Variants in MARK1 observed in about 807,000 individuals in gnomAD.
MARK1 encodes the protein microtubule affinity regulating kinase 1, also known as serine/threonine-protein kinase MARK1.
In MARK1, 40 loss-of-function variants were observed where a neutral mutation model predicts 96.3. That is an observed-to-expected ratio of 0.42 (90% CI 0.32 to 0.54). MARK1 has a LOEUF of 0.54. MARK1 is among the 20% of genes least tolerant of loss of function. The pLI is 0.16. For missense variants in MARK1, 719 were observed against 984.6 expected (o/e 0.73, Z 3.61); for synonymous variants, 317 against 341.2 (o/e 0.93, Z 0.78).
At chr1:220,617,888 C>G (rs1165368422) in intron 7 of MARK1, among the ~76,000 whole-genome samples, 1 of 152,146 alleles carries the variant, frequency 6.6e-6, no homozygotes, top group East Asian at 1.9e-4. Context: ...CTTTAACCAA[C>G]AATACCCTAT....
chr1:220,591,960 T>C (rs1217823441), intron 3 of MARK1, among the ~76,000 whole-genome samples: 1 of 152,062 alleles, frequency 6.6e-6, no homozygotes, highest in African/African-American at 2.4e-5. Context: ...CACACCTAGC[T>C]GGACAGCAGT....
chr1:220,546,564 T>C (rs1242713337), intron 1 of MARK1, among the ~76,000 whole-genome samples: 2 of 152,244 alleles, frequency 1.3e-5, no homozygotes, highest in African/African-American at 2.4e-5. Flanking sequence ...AAAGATTATT[T>C]AGCTACTGCT....
intron 15 of MARK1, 22 bp downstream of exon 15, chr1:220,652,172 A>G (rs1045180407): frequency 5.7e-6 from 9 of 1,567,618 alleles, no homozygotes; most frequent in Non-Finnish European, 7.9e-6. Context: ...GTTACATCTC[A>G]TTTTGTTCAT....
At chr1:220,535,391 A>G (rs750197459) in intron 1 of MARK1, among the ~76,000 whole-genome samples, 7 of 152,084 alleles carry the variant, frequency 4.6e-5, no homozygotes, top group African/African-American at 7.2e-5. Flanking sequence ...AGAAATGTCT[A>G]TTCAACTCCT....
At chr1:220,574,591 G>A (rs1368418286) in intron 1 of MARK1, among the ~76,000 whole-genome samples, 1 of 152,122 alleles carries the variant, frequency 6.6e-6, no homozygotes, top group Non-Finnish European at 1.5e-5. Context: ...ATTCTATGTT[G>A]TGAAATTTTT....
intron 1 of MARK1, among the ~76,000 whole-genome samples, chr1:220,544,722 A>T (rs920845672): frequency 6.6e-6 from 1 of 152,234 alleles, no homozygotes; most frequent in Non-Finnish European, 1.5e-5. Context: ...AGGTTAGTCC[A>T]GGTGGTAAAC....
chr1:220,549,562 T>C (rs1369524856), intron 1 of MARK1, among the ~76,000 whole-genome samples: 1 of 152,232 alleles, frequency 6.6e-6, no homozygotes, highest in East Asian at 1.9e-4. Flanking sequence ...GGTCTTTCTG[T>C]TTTACTAGAA....
intron 13 of MARK1, among the ~76,000 whole-genome samples, chr1:220,642,111 G>A (rs555687625): frequency 3.0e-4 from 45 of 152,330 alleles, no homozygotes; most frequent in Admixed American, 1.6e-3. Context: ...AAAGGGGGCT[G>A]AAGCCAGGGA....
At chr1:220,557,835 T>C (rs776082607) in intron 1 of MARK1, among the ~76,000 whole-genome samples, 1 of 151,972 alleles carries the variant, frequency 6.6e-6, no homozygotes, top group African/African-American at 2.4e-5. Flanking sequence ...TAGATAAGAA[T>C]AATATGGAAA....
At chr1:220,627,723 A>C (rs1667431812) in intron 9 of MARK1, 1 of 159,218 alleles carries the variant, frequency 6.3e-6, no homozygotes, top group Non-Finnish European at 1.4e-5. Context: ...GGATACTTTC[A>C]TGCAACCATA....
At chr1:220,564,702 C>T (rs1230426519) in intron 1 of MARK1, among the ~76,000 whole-genome samples, 3 of 151,928 alleles carry the variant, frequency 2.0e-5, no homozygotes, top group African/African-American at 7.2e-5. Context: ...GTTAGTTTTT[C>T]CTACTAACCT....
chr1:220,531,886 C>A (rs1457424410), intron 1 of MARK1, among the ~76,000 whole-genome samples: 1 of 151,950 alleles, frequency 6.6e-6, no homozygotes, highest in Non-Finnish European at 1.5e-5. Flanking sequence ...ACAGTAAGTC[C>A]AGAAAAAGAG....
chr1:220,623,380 A>G (rs1431114645), intron 9 of MARK1, among the ~76,000 whole-genome samples: 2 of 152,170 alleles, frequency 1.3e-5, no homozygotes, highest in Admixed American at 6.5e-5. Context: ...GTTGCTTTCT[A>G]TGCTTTATTT....
At chr1:220,651,847 A>C (rs1434366924) in intron 14 of MARK1, 139 bp from the exon 15 acceptor site, 1 of 530,050 alleles carries the variant, frequency 1.9e-6, no homozygotes, top group African/African-American at 1.9e-5. Context: ...AATGCCACTA[A>C]TGTTAGTTTC....
intron 6 of MARK1, among the ~76,000 whole-genome samples, chr1:220,615,251 C>T (rs1033788632): frequency 6.6e-6 from 1 of 152,060 alleles, no homozygotes; most frequent in Non-Finnish European, 1.5e-5. Context: ...CTCCAAAGAG[C>T]CCTGTGTGAT....
At chr1:220,569,612 G>C (rs562845591) in intron 1 of MARK1, among the ~76,000 whole-genome samples, 1 of 151,820 alleles carries the variant, frequency 6.6e-6, no homozygotes, top group Admixed American at 6.6e-5. Context: ...TAGAGATTCA[G>C]CTTTATTTTT....
intron 1 of MARK1, among the ~76,000 whole-genome samples, chr1:220,543,425 T>C (rs1661276305): frequency 6.6e-6 from 1 of 152,212 alleles, no homozygotes. Flanking sequence ...CTATACTTTT[T>C]AATATGCATA....
intron 5 of MARK1, 104 bp from the exon 6 acceptor site, chr1:220,603,963 G>T: frequency 1.6e-6 from 1 of 609,820 alleles, no homozygotes; most frequent in East Asian, 2.9e-5. Context: ...AGAAAATTGT[G>T]GGCCAAAAGT....
intron 9 of MARK1, chr1:220,627,168 C>T: frequency 4.1e-6 from 2 of 488,374 alleles, no homozygotes; most frequent in African/African-American, 2.0e-5. Flanking sequence ...GAGGATCTGT[C>T]CCTGAGGAGA....
Sources: gnomAD v4.1 joint callset for allele counts (sites outside exome capture counted in the v4.1 genomes callset) on GRCh38, gnomAD v4.1.1 for gene constraint, MANE v1.5 for transcripts, NCBI Gene and HGNC (gene_info 2026-07-23, HGNC 2026-07-21) for gene names.